The following CNTNAP2 variants were observed in gnomAD, a reference collection of about 807,000 sequenced individuals.
CNTNAP2 encodes the protein contactin-associated protein-like 2.
A neutral mutation model predicts 155.2 loss-of-function variants in CNTNAP2; 98 were observed. The ratio of observed to expected loss-of-function variants is 0.63; its 90% CI spans 0.54 to 0.75. The LOEUF (loss-of-function observed/expected upper bound fraction) is 0.75. CNTNAP2 is among the 30% of genes least tolerant of loss of function. The probability of loss-of-function intolerance (pLI) is 0.00; values close to 1 mark genes in which losing one functional copy is unlikely to be tolerated. For synonymous variants in CNTNAP2, 651 were observed against 631.2 expected, an observed-to-expected ratio of 1.03 and a Z score of -0.47; for missense variants, 1,727 against 1,688.1, an observed-to-expected ratio of 1.02 and a Z score of -0.40.
intron 4 of CNTNAP2, among the ~76,000 whole-genome samples, chr7:147,087,386 A>C (rs989044181): frequency 6.6e-6 from 1 of 152,188 alleles, no homozygotes; most frequent in East Asian, 1.9e-4. Flanking sequence ...TTTTTTAACC[A>C]GTGGTCATCC....
intron 1 of CNTNAP2, among the ~76,000 whole-genome samples, chr7:146,676,649 T>A (rs1235397605): frequency 6.6e-6 from 1 of 152,040 alleles, no homozygotes; most frequent in Non-Finnish European, 1.5e-5. Context: ...AAAAAGAGAT[T>A]TAATGGACTC....
At chr7:148,053,335 C>T (rs1802930003) in intron 15 of CNTNAP2, among the ~76,000 whole-genome samples, 1 of 152,100 alleles carries the variant, frequency 6.6e-6, no homozygotes, top group Admixed American at 6.5e-5. Flanking sequence ...AAATGTGGAT[C>T]TTAACTGTTT....
chr7:146,824,876 T>TA (rs397972475), intron 2 of CNTNAP2, among the ~76,000 whole-genome samples: 2 of 151,506 alleles, frequency 1.3e-5, no homozygotes, highest in African/African-American at 2.4e-5. Flanking sequence ...TTTTTTTTTT[T>TA]ATTTGATTTT....
At chr7:148,019,418 G>T (rs973729998) in intron 15 of CNTNAP2, among the ~76,000 whole-genome samples, 1 of 152,074 alleles carries the variant, frequency 6.6e-6, no homozygotes, top group Non-Finnish European at 1.5e-5. Flanking sequence ...TCAGTTCCTT[G>T]TTGTAATCTC....
At position 146,432,788 on chromosome 7, in the gene CNTNAP2, C is replaced by T. The variant is rs531879237; in HGVS notation, c.97+315815C>T. On this transcript the variant is annotated intron_variant, in intron 1 of 23. Transcript: ENST00000361727. ...CAAAACTGCAGGTATTTGAAATTAG[C>T]TGTACTCTCTTTAATATAGTTTATT... 6.6e-5 allele frequency among the ~76,000 whole-genome samples: 10 copies of T among 152,248 alleles called. No individual in the cohort carries two copies. The South Asian group carries it at 1.9e-3, about 28-fold the overall frequency.
chr7:146,497,471 CT>C (rs911591530), intron 1 of CNTNAP2, among the ~76,000 whole-genome samples: 6 of 151,994 alleles, frequency 3.9e-5, no homozygotes, highest in Non-Finnish European at 8.8e-5. Flanking sequence ...CAACACTTCT[CT>C]TTTTTTGGAG....
intron 6 of CNTNAP2, among the ~76,000 whole-genome samples, chr7:147,127,241 T>A (rs1801259167): frequency 6.6e-6 from 1 of 152,298 alleles, no homozygotes; most frequent in South Asian, 2.1e-4. Flanking sequence ...CTATTTCTTC[T>A]TTGTAGTTTT....
intron 1 of CNTNAP2, among the ~76,000 whole-genome samples, chr7:146,759,210 T>C (rs897160770): frequency 6.6e-6 from 1 of 152,266 alleles, no homozygotes; most frequent in East Asian, 1.9e-4. Flanking sequence ...CAATGCAACA[T>C]ATTTTTACGT....
intron 3 of CNTNAP2, among the ~76,000 whole-genome samples, chr7:146,906,278 C>T (rs1796124008): frequency 6.6e-6 from 1 of 152,232 alleles, no homozygotes; most frequent in African/African-American, 2.4e-5. Context: ...AGCCAGGAAG[C>T]TGGAACTGGG....
At chr7:148,244,080 A>G (rs1432751792) in intron 20 of CNTNAP2, among the ~76,000 whole-genome samples, 4 of 152,248 alleles carry the variant, frequency 2.6e-5, no homozygotes, top group Non-Finnish European at 5.9e-5. Context: ...AAGTGTCATC[A>G]CTAATCTCCC....
At chr7:148,323,953 G>A (rs932506975) in intron 21 of CNTNAP2, among the ~76,000 whole-genome samples, 6 of 147,320 alleles carry the variant, frequency 4.1e-5, no homozygotes, top group East Asian at 2.0e-4. Flanking sequence ...GTACAATCTC[G>A]GCTCACTGCA....
At chr7:147,656,347 C>T (rs77900935) in intron 13 of CNTNAP2, among the ~76,000 whole-genome samples, 128 of 152,358 alleles carry the variant, frequency 8.4e-4, no homozygotes, top group African/African-American at 2.9e-3. Context: ...GGGTTAGCTT[C>T]CAGCCTATCT....
At chr7:147,473,262 G>T (rs1444305701) in intron 10 of CNTNAP2, among the ~76,000 whole-genome samples, 1 of 152,126 alleles carries the variant, frequency 6.6e-6, no homozygotes, top group African/African-American at 2.4e-5. Context: ...GAGGGTTATG[G>T]GGCCGAAAGG....
At position 147,054,191 on chromosome 7, in the gene CNTNAP2, G is replaced by A. The variant is rs1477026497; in HGVS notation, c.550+10137G>A. Among the ~76,000 whole-genome samples, 3 of 152,104 alleles carry A rather than the reference G, an allele frequency of 2.0e-5. 1 individual carries two copies. Among genetic ancestry groups the A allele is most frequent in the Admixed American group, 2.0e-4 (3 of 15,262 alleles). ...TGTGAATTCTAATGACCATAGAAAT[G>A]CTTTGGCCTATCAATTATCACCGTA... On this transcript the variant is annotated intron_variant, in intron 4 of 23. Coordinates refer to ENST00000361727, the MANE Select transcript of CNTNAP2 (RefSeq NM_014141.6).
intron 3 of CNTNAP2, among the ~76,000 whole-genome samples, chr7:146,897,348 C>T (rs969211842): frequency 6.6e-6 from 1 of 152,098 alleles, no homozygotes; most frequent in African/African-American, 2.4e-5. Context: ...TGGAGGCCAG[C>T]ATATTCTGGT....
At chr7:146,155,717 G>T (rs533130574) in intron 1 of CNTNAP2, among the ~76,000 whole-genome samples, 4 of 142,344 alleles carry the variant, frequency 2.8e-5, no homozygotes, top group African/African-American at 1.0e-4. Flanking sequence ...ATTATTATTC[G>T]AAATGGAGTC....
At chr7:146,839,368 A>AT (rs1803676353) in intron 2 of CNTNAP2, among the ~76,000 whole-genome samples, 2 of 152,212 alleles carry the variant, frequency 1.3e-5, no homozygotes, top group Middle Eastern at 3.4e-3. Flanking sequence ...AGTTACATAC[A>AT]TTTTTCTCAT....
chr7:147,699,101 T>C (rs1796199937), intron 13 of CNTNAP2, among the ~76,000 whole-genome samples: 1 of 151,950 alleles, frequency 6.6e-6, no homozygotes, highest in Non-Finnish European at 1.5e-5. Context: ...GTGCCCTTAA[T>C]ACATGCTTAT....
chr7:147,680,555 G>A (rs1795933372), intron 13 of CNTNAP2, among the ~76,000 whole-genome samples: 1 of 151,856 alleles, frequency 6.6e-6, no homozygotes, highest in African/African-American at 2.4e-5. Context: ...CTACCCTAGT[G>A]TACACCCGGA....
Sources: gnomAD v4.1 joint callset for allele counts (sites outside exome capture counted in the v4.1 genomes callset) on GRCh38, gnomAD v4.1.1 for gene constraint, MANE v1.5 for transcripts, NCBI Gene and HGNC (gene_info 2026-07-23, HGNC 2026-07-21) for gene names.